The following OAT variants were observed in gnomAD, a reference collection of about 807,000 sequenced individuals.
The protein encoded by OAT is ornithine aminotransferase, also known as ornithine aminotransferase, mitochondrial.
A neutral mutation model predicts 48.4 loss-of-function variants in OAT; 35 were observed. The ratio of observed to expected loss-of-function variants is 0.72; its 90% CI spans 0.55 to 0.96. The LOEUF (loss-of-function observed/expected upper bound fraction) is 0.96. OAT is among the 40% of genes least tolerant of loss of function. The pLI is 0.00. For missense variants in OAT, 438 were observed against 537.9 expected (o/e 0.81, Z 1.84); for synonymous variants, 182 against 198.4 (o/e 0.92, Z 0.70).
chr10:124,400,166 G>A (rs1480080734), intron 9 of OAT, among the ~76,000 whole-genome samples: 2 of 152,178 alleles, frequency 1.3e-5, no homozygotes, highest in Non-Finnish European at 2.9e-5. Context: ...AATACCAAGT[G>A]TGGCCAGGAG....
intron 1 of OAT, chr10:124,418,289 G>T (rs1461062225): frequency 6.6e-6 from 1 of 152,326 alleles, no homozygotes; most frequent in Non-Finnish European, 1.5e-5. Context: ...GAGCAGGCCG[G>T]GAGGACCCAG....
intron 1 of OAT, among the ~76,000 whole-genome samples, chr10:124,416,264 T>C (rs753823378): frequency 1.1e-4 from 17 of 152,166 alleles, no homozygotes; most frequent in Non-Finnish European, 2.2e-4. Flanking sequence ...AGGTTGGGCA[T>C]CCTGTGGGCC....
rs1564742697 is a variant in OAT at position 124,415,074 on chromosome 10, T to TGTGTCGCTAAAAAAAAAA, written c.-29-2875_-29-2874insTTTTTTTTTTAGCGACAC. On this transcript the variant is annotated intron_variant, in intron 1 of 9. Coordinates refer to ENST00000368845, the MANE Select transcript of OAT (RefSeq NM_000274.4). Reference sequence around the variant, plus strand: ...CACTCCAGCCTGGGCTACAAAGCGCTAAAAAAAAAAAAAAAAAAAAAAAAA... The same window carrying TGTGTCGCTAAAAAAAAAA: ...CACTCCAGCCTGGGCTACAAAGCGCTGTGTCGCTAAAAAAAAAAAAAAAAAAAAAAAAAAAAAAAAAAA... 7.1e-4 allele frequency: 12 copies of TGTGTCGCTAAAAAAAAAA among 16,858 alleles called. 5 individuals carry two copies. Among genetic ancestry groups the TGTGTCGCTAAAAAAAAAA allele is most frequent in the East Asian group, 3.8e-3 (2 of 530 alleles). 1.0% of individuals were successfully genotyped at this position (16,858 alleles called of 1,614,324 possible). A position where few individuals can be genotyped will look rare whatever the true frequency, so the allele number is the denominator to read the frequency against.
chr10:124,408,305 GTGTGTGTGTGTGTATATATATATA>G (rs1367441411), intron 4 of OAT, among the ~76,000 whole-genome samples: 1 of 51,390 alleles, frequency 1.9e-5, no homozygotes, highest in African/African-American at 1.2e-4. Context: ...GTGTGTGTGT[GTGTGTGTGTGTGTATATATATATA>G]TATATATATA....
intron 4 of OAT, chr10:124,405,897 T>C: frequency 8.5e-7 from 1 of 1,182,152 alleles, no homozygotes; most frequent in Non-Finnish European, 1.1e-6. Context: ...AATTGAGGTC[T>C]TGAATGCATG....
chr10:124,400,372 G>A (rs56400694), intron 9 of OAT, among the ~76,000 whole-genome samples: 9,607 of 148,812 alleles, frequency 0.065, 424 homozygotes, highest in Non-Finnish European at 0.085. Context: ...CGCTTGAACC[G>A]GGGCATCGGA....
Position 124,405,541 on chromosome 10 carries a change from C to G in OAT, c.543G>C (p.Thr181=). The stretch of plus-strand genomic sequence containing the variant: ...CTGTGGAACTGGAGATAGCAGACAA[C>G]GTCCTACCCCAGAAGTTCCCAGCTA... ...VFAAGNFWGR[T]LSAISSSTDP... The change falls in exon 5 of 10, where the codon ACG becomes ACC. Residue 181 remains threonine, a synonymous_variant. Transcript: ENST00000368845. 1 of 1,613,954 alleles carries G rather than the reference C, an allele frequency of 6.2e-7. No individual in the cohort carries two copies. Among genetic ancestry groups the G allele is most frequent in the Non-Finnish European group, 8.5e-7 (1 of 1,179,924 alleles).
At position 124,412,006 on chromosome 10, in the gene OAT, G is replaced by A. The variant is rs1228173312; in HGVS notation, c.166C>T (p.His56Tyr). ...REYKYGAHNY[H>Y]PLPVALERGK... ...CTCTCCAGGGCTACAGGTAAAGGAT[G>A]GTAGTTGTGTGCACCATACTTATAT... Residue 56 changes from histidine (H) to tyrosine (Y), a missense_variant, in exon 2 of 10, where the codon CAT becomes TAT. Transcript: ENST00000368845. 1.2e-6 allele frequency: 2 copies of A among 1,614,184 alleles called. No homozygotes were observed. Among genetic ancestry groups the A allele is most frequent in the East Asian group, 4.5e-5 (2 of 44,892 alleles).
At chr10:124,416,427 T>C (rs1393502047) in intron 1 of OAT, among the ~76,000 whole-genome samples, 1 of 152,194 alleles carries the variant, frequency 6.6e-6, no homozygotes, top group African/African-American at 2.4e-5. Flanking sequence ...ATAACTCATC[T>C]CTTCATCAAG....
intron 1 of OAT, among the ~76,000 whole-genome samples, chr10:124,416,175 G>T (rs1437887485): frequency 6.6e-6 from 1 of 152,136 alleles, no homozygotes; most frequent in African/African-American, 2.4e-5. Context: ...CAGGCCACTT[G>T]TTTTTATGCC....
intron 2 of OAT, among the ~76,000 whole-genome samples, chr10:124,410,018 A>G (rs1394202942): frequency 6.6e-6 from 1 of 152,230 alleles, no homozygotes; most frequent in Non-Finnish European, 1.5e-5. Flanking sequence ...CAATAGTTCA[A>G]AAGAAGATAT....
At chr10:124,399,693 T>A (rs1951346808) in intron 9 of OAT, among the ~76,000 whole-genome samples, 1 of 152,098 alleles carries the variant, frequency 6.6e-6, no homozygotes, top group African/African-American at 2.4e-5. Flanking sequence ...TTGGAATCGT[T>A]GCTTTAAAAG....
chr10:124,401,555 T>C (rs1490585937), intron 8 of OAT, among the ~76,000 whole-genome samples, 171 bp downstream of exon 8: 1 of 152,206 alleles, frequency 6.6e-6, no homozygotes, highest in Non-Finnish European at 1.5e-5. Flanking sequence ...CTAGGCCAAG[T>C]TTAAATTACT....
intron 4 of OAT, among the ~76,000 whole-genome samples, chr10:124,406,477 C>T (rs1951580838): frequency 6.6e-6 from 1 of 151,472 alleles, no homozygotes; most frequent in Non-Finnish European, 1.5e-5. Context: ...GGTGACAGAG[C>T]AAGACTGTCT....
At chr10:124,403,179 G>C (rs935107455) in intron 6 of OAT, 124 bp from the exon 7 acceptor site, 1 of 1,089,064 alleles carries the variant, frequency 9.2e-7, no homozygotes, top group Non-Finnish European at 1.4e-6. Context: ...CCTCAAATTT[G>C]TAAAAATGTT....
chr10:124,398,150 C>T (rs769772575), intron 9 of OAT, 48 bp from the exon 10 acceptor site: 54 of 1,603,640 alleles, frequency 3.4e-5, no homozygotes, highest in Non-Finnish European at 4.4e-5. Flanking sequence ...AACGTTTAAA[C>T]ATCCCTTGCC....
intron 4 of OAT, among the ~76,000 whole-genome samples, chr10:124,406,355 G>A (rs1267539365): frequency 6.6e-6 from 1 of 151,882 alleles, no homozygotes; most frequent in Non-Finnish European, 1.5e-5. Flanking sequence ...GCCAGGCATG[G>A]TAGTGCACAC....
At chr10:124,410,603 C>T (rs1164010145) in intron 2 of OAT, among the ~76,000 whole-genome samples, 2 of 152,084 alleles carry the variant, frequency 1.3e-5, no homozygotes, top group Non-Finnish European at 2.9e-5. Flanking sequence ...ACCAGGAGTT[C>T]AAGATCACCC....
At chr10:124,418,396 C>T (rs140350519) in intron 1 of OAT, among the ~76,000 whole-genome samples, 2,454 of 152,296 alleles carry the variant, frequency 0.016, 34 homozygotes, top group Middle Eastern at 0.051. Context: ...CCCGCCAACC[C>T]CAGGAACCAA....
Sources: allele counts gnomAD v4.1 joint callset (sites outside exome capture counted in the v4.1 genomes callset), GRCh38; gene constraint gnomAD v4.1.1; transcripts MANE v1.5; gene names NCBI Gene and HGNC (gene_info 2026-07-23, HGNC 2026-07-21).